DCAF12: variants seen among roughly 807,000 people sequenced by gnomAD.
DCAF12 encodes the protein DDB1 and CUL4 associated factor 12.
A neutral mutation model predicts 52.8 loss-of-function variants in DCAF12; 28 were observed. The observed-to-expected ratio is 0.53, with a 90% CI of 0.39 to 0.73. DCAF12 has a LOEUF of 0.73. DCAF12 is among the 30% of genes least tolerant of loss of function. The pLI, the probability that DCAF12 is intolerant of heterozygous loss-of-function variation, is 0.00. For missense variants in DCAF12, 425 were observed against 552.2 expected (o/e 0.77, Z 2.31); for synonymous variants, 196 against 215.5 (o/e 0.91, Z 0.79).
At chr9:34,123,454 G>T (rs1008769586) in intron 2 of DCAF12, among the ~76,000 whole-genome samples, 4 of 152,024 alleles carry the variant, frequency 2.6e-5, no homozygotes, top group Non-Finnish European at 1.5e-5. Flanking sequence ...CACAAATAAG[G>T]GAATCATTTG....
chr9:34,120,113 G>A (rs1587742304), intron 2 of DCAF12, among the ~76,000 whole-genome samples: 2 of 140,984 alleles, frequency 1.4e-5, no homozygotes, highest in East Asian at 4.4e-4. Flanking sequence ...TGAGGCAGGA[G>A]AATCACTTCA....
Position 34,089,352 on chromosome 9 carries a change from T to C in DCAF12, c.1203+60A>G, listed in dbSNP as rs73491042. On this transcript the variant is annotated intron_variant, in intron 8 of 8. Transcript: ENST00000361264. The stretch of plus-strand genomic sequence containing the variant: ...TGGTGTGTCAGTGGGGGCTGAGAGA[T>C]AGAGGAAGATAATTTTTCTGTTACT... The C allele has an allele frequency of 9.0e-4, 1,359 of 1,504,304 alleles. 15 individuals are homozygous for C. In the African/African-American group the frequency reaches 0.017, roughly 19 times the overall value. The allele number at this position is 1,504,304 out of a possible 1,614,324, so 93.2% of individuals were successfully genotyped here. A position where few individuals can be genotyped will look rare whatever the true frequency, so the allele number is the denominator to read the frequency against.
chr9:34,095,232 G>A (rs531405200), intron 6 of DCAF12, among the ~76,000 whole-genome samples: 7 of 151,544 alleles, frequency 4.6e-5, no homozygotes, highest in Admixed American at 6.6e-5. Context: ...CCACCACCAC[G>A]CCCAGCTAAT....
intron 2 of DCAF12, among the ~76,000 whole-genome samples, chr9:34,124,152 T>A (rs964989964): frequency 1.5e-4 from 23 of 152,372 alleles, no homozygotes; most frequent in African/African-American, 5.0e-4. Flanking sequence ...ATCTTCTCTC[T>A]TTTAATGATC....
chr9:34,090,013 T>A (rs1828619756), intron 7 of DCAF12: 1 of 155,426 alleles, frequency 6.4e-6, no homozygotes, highest in African/African-American at 2.4e-5. Flanking sequence ...CATTAAGTCA[T>A]CAACGATTCC....
chr9:34,097,197 G>A (rs937762896), intron 5 of DCAF12, among the ~76,000 whole-genome samples: 2 of 151,642 alleles, frequency 1.3e-5, no homozygotes, highest in Non-Finnish European at 2.9e-5. Flanking sequence ...TTCAAACTGT[G>A]GCCTGATTCA....
At chr9:34,122,655 T>C (rs1382487515) in intron 2 of DCAF12, among the ~76,000 whole-genome samples, 1 of 152,108 alleles carries the variant, frequency 6.6e-6, no homozygotes, top group Non-Finnish European at 1.5e-5. Context: ...TTGTTTGTAC[T>C]TCTGTAGAAA....
rs1471942556 is a variant in DCAF12 at position 34,125,006 on chromosome 9, T to A, written c.333+17A>T. 7 of 1,611,654 alleles carry A rather than the reference T, an allele frequency of 4.3e-6. No individual in the cohort carries two copies. The highest frequency in any genetic ancestry group is 5.9e-6 in the Non-Finnish European group (7 of 1,179,574). ...TCCACGACCTAGGAGAGAGGTCACA[T>A]CCCCCCAGGCACTTACCGTGTTGCA... On this transcript the variant is annotated intron_variant, in intron 2 of 8. Coordinates refer to ENST00000361264, the MANE Select transcript of DCAF12 (RefSeq NM_015397.4).
intron 2 of DCAF12, among the ~76,000 whole-genome samples, chr9:34,123,346 T>C (rs1284182993): frequency 6.6e-6 from 1 of 152,230 alleles, no homozygotes; most frequent in Non-Finnish European, 1.5e-5. Context: ...TACTTTTAAA[T>C]AAGTAAGATA....
At position 34,089,450 on chromosome 9, in the gene DCAF12, C is replaced by A; in HGVS notation, c.1165G>T (p.Gly389Trp). Residue 389 changes from glycine to tryptophan, a missense_variant, in exon 8 of 9, where the codon GGG becomes TGG. Physicochemically the swap from Gly to Trp is radical, Grantham distance 184. Transcript: ENST00000361264. The stretch of plus-strand genomic sequence containing the variant: ...CCAGTGGTTAGTTTCAGATTCTCCC[C>A]TGCTAGTCTGGGCTTGGACCCATAA... ...ACYGSKPRLA[G>W]ENLKLTTGKG... The A allele has an allele frequency of 1.2e-6, 2 of 1,614,042 alleles. No homozygotes were observed. Among genetic ancestry groups the A allele is most frequent in the African/African-American group, 1.3e-5 (1 of 75,032 alleles).
chr9:34,107,311 C>T (rs755718718), intron 3 of DCAF12, 48 bp downstream of exon 3: 17 of 1,567,470 alleles, frequency 1.1e-5, no homozygotes, highest in South Asian at 2.2e-5. Flanking sequence ...CACTGAGACC[C>T]GTTTAAAAAC....
In DCAF12 at chr9:34,107,428, A is replaced by G. The variant is rs138491397; in HGVS notation, c.471T>C (p.Thr157=). 4.3e-4 allele frequency: 690 copies of G among 1,614,076 alleles called. No individual in the cohort carries two copies. Among genetic ancestry groups the G allele is most frequent in the Non-Finnish European group, 5.3e-4 (626 of 1,180,046 alleles). The change falls in exon 3 of 9, where the codon ACT becomes ACC. Residue 157 remains threonine, a synonymous_variant. Transcript: ENST00000361264. ...CAAGACTGTTGGGGTTGTCTCCTCC[A>G]GTGGCTAGCAGTGTTCTAGAAGGAT... ...ELNPSRTLLA[T]GGDNPNSLAI...
chr9:34,121,579 A>G (rs1829174756), intron 2 of DCAF12, among the ~76,000 whole-genome samples: 1 of 151,984 alleles, frequency 6.6e-6, no homozygotes, highest in African/African-American at 2.4e-5. Context: ...AATACCTCCA[A>G]CTGTGTAGAT....
intron 4 of DCAF12, among the ~76,000 whole-genome samples, chr9:34,103,600 T>C (rs542516835): frequency 1.3e-5 from 2 of 152,230 alleles, no homozygotes; most frequent in African/African-American, 4.8e-5. Flanking sequence ...ATGCCTGTAA[T>C]CCCAGCACTT....
intron 4 of DCAF12, 111 bp from the exon 5 acceptor site, chr9:34,098,628 T>A: frequency 8.4e-7 from 1 of 1,195,868 alleles, no homozygotes; most frequent in Non-Finnish European, 1.2e-6. Context: ...CATCCTCATA[T>A]GTGCTGAAGC....
chr9:34,118,714 A>C (rs1829124376), intron 2 of DCAF12, among the ~76,000 whole-genome samples: 1 of 152,196 alleles, frequency 6.6e-6, no homozygotes, highest in Non-Finnish European at 1.5e-5. Flanking sequence ...ATATAATCCC[A>C]GCTCTTTGGG....
At chr9:34,104,788 G>C (rs1587735715) in intron 4 of DCAF12, among the ~76,000 whole-genome samples, 1 of 151,730 alleles carries the variant, frequency 6.6e-6, no homozygotes, top group East Asian at 1.9e-4. Flanking sequence ...GTGGTGGTGG[G>C]CACCTGTAAT....
chr9:34,088,570 G>A (rs1225463430), intron 8 of DCAF12, 62 bp from the exon 9 acceptor site: 1 of 1,576,962 alleles, frequency 6.3e-7, no homozygotes, highest in Non-Finnish European at 8.7e-7. Context: ...AAAGGGGGAG[G>A]AAGGGACAGG....
At chr9:34,105,030 A>G (rs1309617586) in intron 4 of DCAF12, among the ~76,000 whole-genome samples, 3 of 151,810 alleles carry the variant, frequency 2.0e-5, no homozygotes, top group Admixed American at 6.6e-5. Flanking sequence ...GAGGCAGGCG[A>G]ATCACTGAGG....
Sources: gnomAD v4.1 joint callset for allele counts (sites outside exome capture counted in the v4.1 genomes callset) on GRCh38, gnomAD v4.1.1 for gene constraint, MANE v1.5 for transcripts, NCBI Gene and HGNC (gene_info 2026-07-23, HGNC 2026-07-21) for gene names.